SASH1: variants seen among roughly 807,000 people sequenced by gnomAD.
The protein encoded by SASH1 is SAM and SH3 domain containing 1.
A neutral mutation model predicts 125.2 loss-of-function variants in SASH1; 44 were observed. That is an observed-to-expected ratio of 0.35 (90% CI 0.28 to 0.45). SASH1 has a LOEUF of 0.45. Ranked by LOEUF, SASH1 falls within the 20% of genes least tolerant of loss-of-function variation. The probability of loss-of-function intolerance (pLI) is 1.00; values close to 1 mark genes in which losing one functional copy is unlikely to be tolerated. For missense variants in SASH1, 1,426 were observed against 1,614.5 expected (o/e 0.88, Z 2.00); for synonymous variants, 639 against 649.1 (o/e 0.98, Z 0.24).
At chr6:148,416,259 T>C (rs1365729087) in intron 2 of SASH1, among the ~76,000 whole-genome samples, 2 of 152,240 alleles carry the variant, frequency 1.3e-5, no homozygotes, top group African/African-American at 4.8e-5. Context: ...GCAAAGTCTT[T>C]GAGGTTTCCC....
At chr6:148,484,294 T>C (rs7746826) in intron 7 of SASH1, among the ~76,000 whole-genome samples, 2,170 of 152,080 alleles carry the variant, frequency 0.014, 51 homozygotes, top group African/African-American at 0.05. Context: ...GAGAAAACAA[T>C]GAGATTTGGG....
At chr6:148,513,966 A>G (rs545264005) in intron 8 of SASH1, 1 of 1,002,298 alleles carries the variant, frequency 1.0e-6, no homozygotes, top group East Asian at 1.1e-4. Flanking sequence ...GCCTGGCCCA[A>G]ACCACAGCAG....
At chr6:148,352,854 A>C (rs935354524) in intron 1 of SASH1, among the ~76,000 whole-genome samples, 2 of 151,752 alleles carry the variant, frequency 1.3e-5, no homozygotes, top group South Asian at 2.1e-4. Flanking sequence ...TTGTAATCCC[A>C]GCTACTGGGG....
rs1469672665 is a variant in SASH1 at position 148,487,080 on chromosome 6, AAC to A, written c.628-530_628-529del. Reference sequence around the variant, plus strand: ...ATGTAAAAAACAAATATATATATATAACACATATATATACACACACACACACA... The same window carrying A: ...ATGTAAAAAACAAATATATATATATAACATATATATACACACACACACACA... On this transcript the variant is annotated intron_variant, in intron 7 of 19. Coordinates refer to ENST00000367467, the MANE Select transcript of SASH1 (RefSeq NM_015278.5). 4.0e-4 allele frequency among the ~76,000 whole-genome samples: 45 copies of A among 112,014 alleles called. 2 individuals carry two copies. Among genetic ancestry groups the A allele is most frequent in the African/African-American group, 7.1e-4 (19 of 26,708 alleles). The allele number at this position is 112,014 out of a possible 152,430, so 73.5% of individuals were successfully genotyped here.
chr6:148,525,781 G>C (rs1239427218), intron 11 of SASH1, among the ~76,000 whole-genome samples: 1 of 152,164 alleles, frequency 6.6e-6, no homozygotes, highest in African/African-American at 2.4e-5. Flanking sequence ...TGGCATTTTG[G>C]AACACCAGTC....
chr6:148,519,456 C>G lies in SASH1; in HGVS notation c.863-91C>G. On this transcript the variant is annotated intron_variant, in intron 9 of 19. Transcript: ENST00000367467. This position sits in a 1 kb window ranked among gnomAD's most constrained non-coding sequence, Gnocchi z 4.8. ...TGGGAGCTGGGTTTATAAAGAGGGT[C>G]ATGATACGGAGAAAGGTGGTGAATG... 7.7e-6 allele frequency: 7 copies of G among 907,998 alleles called. No individual in the cohort carries two copies. Among genetic ancestry groups the G allele is most frequent in the Non-Finnish European group, 1.2e-5 (7 of 582,918 alleles). The allele number at this position is 907,998 out of a possible 1,614,324, so 56.2% of individuals were successfully genotyped here.
chr6:148,200,433 G>A, the SASH1 span, among the ~76,000 whole-genome samples: 1 of 152,178 alleles, frequency 6.6e-6, no homozygotes, highest in Non-Finnish European at 1.5e-5. Context: ...AGCGGGAGGG[G>A]GCCGCGATCA....
intron 12 of SASH1, 131 bp downstream of exon 12, chr6:148,527,727 T>A: frequency 1.1e-6 from 1 of 870,214 alleles, no homozygotes; most frequent in Non-Finnish European, 1.8e-6. Flanking sequence ...AGTCCGTGCT[T>A]TATTTACGTA....
chr6:148,528,986 C>T (rs1038877149), intron 12 of SASH1, among the ~76,000 whole-genome samples: 3 of 152,026 alleles, frequency 2.0e-5, no homozygotes, highest in African/African-American at 4.8e-5. Flanking sequence ...TCATAAACAG[C>T]GTGCAACCTA....
chr6:148,494,012 T>TA (rs144483517), intron 8 of SASH1, among the ~76,000 whole-genome samples: 9,791 of 152,286 alleles, frequency 0.064, 444 homozygotes, highest in African/African-American at 0.12. Flanking sequence ...GTTTATTTTC[T>TA]AGTTAAGAAG....
rs1012867315 is a variant in SASH1, at chr6:148,311,094, CT to C, written n.74+38728del. On this transcript the variant is annotated intron_variant and non_coding_transcript_variant, in intron 1 of 3. Transcript: ENST00000367469. ...ACACCTAAGCTTCTTTTTTTCTTTT[CT>C]TTTTTTTTTTCTTTCTTTTTTTTCC... Among the ~76,000 whole-genome samples the C allele has an allele frequency of 1.0e-3, 147 of 143,538 alleles. No homozygotes were observed. In the East Asian group the frequency reaches 0.012, roughly 12 times the overall value. The allele number at this position is 143,538 out of a possible 152,430, so 94.2% of individuals were successfully genotyped here. A position where few individuals can be genotyped will look rare whatever the true frequency, so the allele number is the denominator to read the frequency against.
intron 1 of SASH1, among the ~76,000 whole-genome samples, chr6:148,369,620 A>C (rs1024298109): frequency 3.3e-5 from 5 of 149,332 alleles, no homozygotes; most frequent in African/African-American, 1.2e-4. Context: ...CTAGCATCTT[A>C]ACCACTCTAC....
intron 1 of SASH1, among the ~76,000 whole-genome samples, chr6:148,281,106 C>CTTTTTTTTTTTT (rs34144143): frequency 4.3e-5 from 3 of 69,258 alleles, no homozygotes; most frequent in East Asian, 4.3e-4. Context: ...CCATGCCTAG[C>CTTTTTTTTTTTT]TTTTTTTTTT....
chr6:148,495,169 C>G lies in SASH1; in HGVS notation c.729+7454C>G, dbSNP rs1158595749. 6.6e-6 allele frequency among the ~76,000 whole-genome samples: 1 copy of G among 152,224 alleles called. No individual in the cohort carries two copies. Among genetic ancestry groups the G allele is most frequent in the Non-Finnish European group, 1.5e-5 (1 of 68,044 alleles). ...TATGTGCCGAAAGCCAGGGCACCGG[C>G]AGAAGTTCCTTTTAAGTGGTTCTTG... On this transcript the variant is annotated intron_variant, in intron 8 of 19. Transcript: ENST00000367467. The surrounding 1 kb of genome is among the most constrained non-coding windows in gnomAD (Gnocchi z 4.0).
intron 8 of SASH1, among the ~76,000 whole-genome samples, chr6:148,499,905 A>C (rs934961661): frequency 6.6e-6 from 1 of 152,156 alleles, no homozygotes; most frequent in African/African-American, 2.4e-5. Flanking sequence ...CTTTAAATTT[A>C]TATAATTTAT....
chr6:148,388,141 C>G (rs973042861), intron 1 of SASH1, among the ~76,000 whole-genome samples: 1 of 152,160 alleles, frequency 6.6e-6, no homozygotes, highest in Middle Eastern at 3.4e-3. Context: ...TCTCGAACTC[C>G]TGACCGCAGG....
At chr6:148,548,220 C>A in intron 19 of SASH1, 75 bp from the exon 20 acceptor site, 2 of 1,353,400 alleles carry the variant, frequency 1.5e-6, no homozygotes, top group South Asian at 1.4e-5. Context: ...CAGTGCTGTT[C>A]CTTTTAGACA....
At chr6:148,403,722 G>A (rs904113254) in intron 2 of SASH1, among the ~76,000 whole-genome samples, 3 of 152,020 alleles carry the variant, frequency 2.0e-5, no homozygotes, top group African/African-American at 7.2e-5. Flanking sequence ...AGTAGAGATT[G>A]GGTTTTGCTA....
At chr6:148,406,738 C>T (rs755804730) in intron 2 of SASH1, among the ~76,000 whole-genome samples, 2 of 151,700 alleles carry the variant, frequency 1.3e-5, no homozygotes, top group Non-Finnish European at 2.9e-5. Context: ...CAGAGAGAAT[C>T]AAGCTCTCCA....
Sources: gnomAD v4.1 joint callset for allele counts (sites outside exome capture counted in the v4.1 genomes callset) on GRCh38, gnomAD v4.1.1 for gene constraint, Gnocchi (gnomAD v3.1) non-coding constraint, MANE v1.5 for transcripts, NCBI Gene and HGNC (gene_info 2026-07-23, HGNC 2026-07-21) for gene names.